PRRC2B: variants seen among roughly 807,000 people sequenced by gnomAD.
PRRC2B encodes the protein protein PRRC2B.
PRRC2B carries 68 observed loss-of-function variants against 242.3 expected under a neutral mutation model. That is an observed-to-expected ratio of 0.28 (90% CI 0.23 to 0.34). PRRC2B has a LOEUF of 0.34. Ranked by LOEUF, PRRC2B falls within the 10% of genes least tolerant of loss-of-function variation. The pLI is 1.00. For missense variants in PRRC2B, 2,835 were observed against 2,954.8 expected (o/e 0.96, Z 0.94); for synonymous variants, 1,228 against 1,173.6 (o/e 1.05, Z -0.95).
chr9:131,467,822 C>T (rs756672793), intron 13 of PRRC2B, 69 bp downstream of exon 13: 10 of 1,495,150 alleles, frequency 6.7e-6, no homozygotes, highest in South Asian at 2.4e-5. Context: ...TTCCCCTCCT[C>T]GTCCCCATGC....
In PRRC2B at chr9:131,495,895, G is replaced by T; in HGVS notation, c.*21G>T. The stretch of plus-strand genomic sequence containing the variant: ...CCTGACAGTGCCTGGCTGCCACCTC[G>T]CCTCTCCCTACTGAGGACGGTGCCG... On this transcript the variant is annotated 3_prime_UTR_variant, in exon 32 of 32. Transcript: ENST00000683519. 6.3e-7 allele frequency: 1 copy of T among 1,596,532 alleles called. No homozygotes were observed. The highest frequency in any genetic ancestry group is 2.3e-5 in the East Asian group (1 of 44,384).
chr9:131,412,342 A>G (rs200826152), intron 1 of PRRC2B, among the ~76,000 whole-genome samples: 4 of 151,922 alleles, frequency 2.6e-5, no homozygotes, highest in Non-Finnish European at 4.4e-5. Context: ...TTTCATCTGT[A>G]TAGTTGTGTA....
chr9:131,406,103 G>A (rs1046614715), intron 1 of PRRC2B, among the ~76,000 whole-genome samples: 2 of 149,288 alleles, frequency 1.3e-5, no homozygotes, highest in African/African-American at 5.2e-5. Context: ...CGGGGGCCCG[G>A]GGGTTTGGAG....
chr9:131,440,883 T>C (rs1564284866), intron 5 of PRRC2B, among the ~76,000 whole-genome samples: 2 of 152,032 alleles, frequency 1.3e-5, no homozygotes, highest in African/African-American at 2.4e-5. Flanking sequence ...AAGGATTGCT[T>C]GAGTCCGGTA....
rs1294820909 is a variant in PRRC2B, at chr9:131,497,638, G to A, written c.*1764G>A. The A allele has an allele frequency of 6.6e-6, 1 of 152,278 alleles. No individual in the cohort carries two copies. Among genetic ancestry groups the A allele is most frequent in the African/African-American group, 2.4e-5 (1 of 41,456 alleles). The allele number at this position is 152,278 out of a possible 1,614,324, so 9.4% of individuals were successfully genotyped here. A position where few individuals can be genotyped will look rare whatever the true frequency, so the allele number is the denominator to read the frequency against. On this transcript the variant is annotated 3_prime_UTR_variant, in exon 32 of 32. Transcript: ENST00000683519. ...TGCTCTCACAATTCTAAGGAAGCGG[G>A]AGAACGGCCTCCTACCAACAGCGCC...
chr9:131,485,438 C>T (rs1048860293), intron 25 of PRRC2B, among the ~76,000 whole-genome samples: 1 of 152,174 alleles, frequency 6.6e-6, no homozygotes, highest in Non-Finnish European at 1.5e-5. Flanking sequence ...GGAGCCGTGT[C>T]GCCTCGGCTG....
chr9:131,405,271 C>T (rs1033818032), intron 1 of PRRC2B, among the ~76,000 whole-genome samples: 3 of 152,156 alleles, frequency 2.0e-5, no homozygotes, highest in Non-Finnish European at 4.4e-5. Context: ...TGGAAGGAGG[C>T]GATAGACACA....
chr9:131,471,047 T>C, intron 14 of PRRC2B, 64 bp downstream of exon 14: 1 of 1,201,986 alleles, frequency 8.3e-7, no homozygotes, highest in Non-Finnish European at 1.2e-6. Flanking sequence ...GTCAAGGGTG[T>C]CCTCTCGAGT....
At chr9:131,409,743 T>A (rs1040416566) in intron 1 of PRRC2B, among the ~76,000 whole-genome samples, 5 of 152,132 alleles carry the variant, frequency 3.3e-5, no homozygotes, top group Non-Finnish European at 1.5e-5. Context: ...TGGGCCCCAG[T>A]GGTTACTGTG....
intron 1 of PRRC2B, among the ~76,000 whole-genome samples, chr9:131,402,510 C>T (rs1302062133): frequency 6.6e-6 from 1 of 152,158 alleles, no homozygotes. Context: ...GGGCAGCAGC[C>T]TGTAGATAGT....
intron 1 of PRRC2B, among the ~76,000 whole-genome samples, chr9:131,374,445 G>C (rs978352607): frequency 2.0e-5 from 3 of 152,000 alleles, no homozygotes; most frequent in Non-Finnish European, 4.4e-5. Context: ...ATTAAATTTT[G>C]CTAACATGTA....
Position 131,474,772 on chromosome 9 carries a change from C to T in PRRC2B, c.2643C>T (p.Asp881=). The part of the protein sequence containing the change: ...WDVSHQPETA[D]TAHGVERETP... ...TTAGCCACCAGCCAGAGACCGCTGA[C>T]ACAGCCCATGGTGTTGAGCGGGAGA... is the stretch of plus-strand genomic sequence containing the variant. The change falls in exon 16 of 32, where the codon GAC becomes GAT. Residue 881 remains aspartate (D), a synonymous_variant. Transcript: ENST00000683519. 1 of 1,612,812 alleles carries T rather than the reference C, an allele frequency of 6.2e-7. No individual in the cohort carries two copies. The highest frequency in any genetic ancestry group is 1.1e-5 in the South Asian group (1 of 90,934).
At chr9:131,401,240 A>G (rs1157261261) in intron 1 of PRRC2B, among the ~76,000 whole-genome samples, 1 of 152,170 alleles carries the variant, frequency 6.6e-6, no homozygotes, top group African/African-American at 2.4e-5. Context: ...AGTGGCGTGA[A>G]GCACTTTCAC....
chr9:131,394,192 C>T lies in PRRC2B; in HGVS notation c.-123C>T. The T allele has an allele frequency of 6.7e-6, 1 of 149,388 alleles. No individual in the cohort carries two copies. Among genetic ancestry groups the T allele is most frequent in the Non-Finnish European group, 1.5e-5 (1 of 66,966 alleles). 9.3% of individuals were successfully genotyped at this position (149,388 alleles called of 1,614,324 possible). On this transcript the variant is annotated 5_prime_UTR_variant, in exon 1 of 32. Transcript: ENST00000683519. Reference sequence around the variant, plus strand: ...CGCCGCCTCGCAATCCGCCGCCATCCCGCCGCCCCCGTGCCCGACCGCCGC... The same window carrying T: ...CGCCGCCTCGCAATCCGCCGCCATCTCGCCGCCCCCGTGCCCGACCGCCGC...
At chr9:131,388,230 T>G (rs1836850786) in intron 1 of PRRC2B, among the ~76,000 whole-genome samples, 1 of 148,214 alleles carries the variant, frequency 6.7e-6, no homozygotes, top group Admixed American at 7.0e-5. Flanking sequence ...TCATCAACTT[T>G]TACTTTTACT....
At chr9:131,379,811 A>G (rs1836732481) in intron 1 of PRRC2B, among the ~76,000 whole-genome samples, 2 of 150,554 alleles carry the variant, frequency 1.3e-5, no homozygotes, top group Admixed American at 6.7e-5. Context: ...TTTTTAGTAG[A>G]GACGGGGTTT....
In PRRC2B at chr9:131,447,570, C is replaced by A; in HGVS notation, c.978-92C>A. 4.1e-6 allele frequency: 5 copies of A among 1,222,824 alleles called. No homozygotes were observed. In the Admixed American group the frequency reaches 8.5e-5, roughly 21 times the overall value. 75.7% of individuals were successfully genotyped at this position (1,222,824 alleles called of 1,614,324 possible). On this transcript the variant is annotated intron_variant, in intron 8 of 31. Coordinates refer to ENST00000683519, the MANE Select transcript of PRRC2B (RefSeq NM_013318.4). ...TAGAAATAATTAAATCAAACATGAA[C>A]CTTTGCAGTGTGGAATTTATTTTTG... is the stretch of plus-strand genomic sequence containing the variant.
chr9:131,458,167 G>A (rs1432629590), intron 10 of PRRC2B, among the ~76,000 whole-genome samples: 1 of 151,886 alleles, frequency 6.6e-6, no homozygotes, highest in African/African-American at 2.4e-5. Context: ...TCTTTTTATT[G>A]TGGCACTGTT....
intron 28 of PRRC2B, chr9:131,491,118 C>A: frequency 3.0e-6 from 1 of 338,490 alleles, no homozygotes; most frequent in Non-Finnish European, 5.4e-6. Context: ...CAGCCCTTAG[C>A]AGAGATGTGG....
Sources: allele counts gnomAD v4.1 joint callset (sites outside exome capture counted in the v4.1 genomes callset), GRCh38; gene constraint gnomAD v4.1.1; transcripts MANE v1.5; gene names NCBI Gene and HGNC (gene_info 2026-07-23, HGNC 2026-07-21).